GLI3: variants seen among roughly 807,000 people sequenced by gnomAD.
The protein encoded by GLI3 is transcription activator GLI3.
In GLI3, 20 loss-of-function variants were observed where a neutral mutation model predicts 100.8. The ratio of observed to expected loss-of-function variants is 0.20; its 90% CI spans 0.14 to 0.29. The LOEUF (loss-of-function observed/expected upper bound fraction) is 0.29, where lower values mean the gene tolerates loss of function less well. Ranked by LOEUF, GLI3 falls within the 10% of genes least tolerant of loss-of-function variation. The probability of loss-of-function intolerance (pLI) is 1.00; values close to 1 mark genes in which losing one functional copy is unlikely to be tolerated. For missense variants in GLI3, 2,040 were observed against 2,128.5 expected (o/e 0.96, Z 0.82); for synonymous variants, 938 against 860.5 (o/e 1.09, Z -1.58).
intron 2 of GLI3, among the ~76,000 whole-genome samples, chr7:42,199,815 C>G (rs958560190): frequency 2.0e-5 from 3 of 152,020 alleles, no homozygotes; most frequent in South Asian, 4.2e-4. Context: ...CAGCACTTTG[C>G]GAGGTCGAGG....
intron 4 of GLI3, among the ~76,000 whole-genome samples, chr7:42,061,247 A>G (rs1461857775): frequency 6.6e-6 from 1 of 152,214 alleles, no homozygotes; most frequent in African/African-American, 2.4e-5. Context: ...TTCTGAGCCA[A>G]GAAGACAGTA....
chr7:42,172,546 A>G lies in GLI3; in HGVS notation c.125-24078T>C, dbSNP rs1419398682. The G allele has an allele frequency of 5.7e-6, 4 of 703,044 alleles. No individual in the cohort carries two copies. In the South Asian group the frequency reaches 5.9e-5, roughly 10 times the overall value. 43.6% of individuals were successfully genotyped at this position (703,044 alleles called of 1,614,324 possible). A position where few individuals can be genotyped will look rare whatever the true frequency, so the allele number is the denominator to read the frequency against. On this transcript the variant is annotated intron_variant, in intron 2 of 14. Transcript: ENST00000395925. ...TAGGTAAATGTATGGGTTTGTACGC[A>G]TTCTTTGGAGCTTCCCCCTTTCAAG...
chr7:42,154,723 G>A (rs1786959477), intron 2 of GLI3, among the ~76,000 whole-genome samples: 1 of 152,206 alleles, frequency 6.6e-6, no homozygotes, highest in East Asian at 1.9e-4. Flanking sequence ...TAAAGTTCCT[G>A]TAGTTTTAAA....
At chr7:42,115,631 T>C (rs73092589) in intron 3 of GLI3, among the ~76,000 whole-genome samples, 9,993 of 152,238 alleles carry the variant, frequency 0.066, 395 homozygotes, top group Non-Finnish European at 0.092. Flanking sequence ...CCTATTTCCC[T>C]ACAACTAAGA....
At chr7:42,080,119 G>C (rs1420011140) in intron 3 of GLI3, among the ~76,000 whole-genome samples, 1 of 152,088 alleles carries the variant, frequency 6.6e-6, no homozygotes, top group Non-Finnish European at 1.5e-5. Flanking sequence ...TTCTTTCAGG[G>C]TTTAAATTTT....
At chr7:42,116,855 A>T (rs944373050) in intron 3 of GLI3, among the ~76,000 whole-genome samples, 1 of 148,364 alleles carries the variant, frequency 6.7e-6, no homozygotes, top group Non-Finnish European at 1.5e-5. Flanking sequence ...TTATGGTCTC[A>T]TAAGACCGAG....
intron 11 of GLI3, among the ~76,000 whole-genome samples, chr7:41,978,343 G>A (rs1191630315): frequency 2.0e-5 from 3 of 152,208 alleles, no homozygotes; most frequent in African/African-American, 7.2e-5. Context: ...GGTACCATAA[G>A]CTGTTGGGCT....
intron 6 of GLI3, among the ~76,000 whole-genome samples, chr7:42,040,878 G>C (rs780300459): frequency 9.2e-5 from 14 of 152,090 alleles, no homozygotes; most frequent in Admixed American, 2.0e-4. Context: ...TGGTTTTCGG[G>C]ACTCAGCAGA....
chr7:42,083,738 T>C (rs1583541975), intron 3 of GLI3, among the ~76,000 whole-genome samples: 1 of 152,258 alleles, frequency 6.6e-6, no homozygotes, highest in Admixed American at 6.5e-5. Context: ...TCAAGTATTT[T>C]CAATGCACTT....
intron 6 of GLI3, among the ~76,000 whole-genome samples, chr7:42,040,745 C>T (rs1265107196): frequency 2.0e-5 from 3 of 152,166 alleles, no homozygotes; most frequent in Non-Finnish European, 4.4e-5. Flanking sequence ...CTAGAGTTAC[C>T]TGCTCTATGG....
At chr7:42,099,203 A>C (rs1785405749) in intron 3 of GLI3, among the ~76,000 whole-genome samples, 1 of 152,214 alleles carries the variant, frequency 6.6e-6, no homozygotes, top group Non-Finnish European at 1.5e-5. Context: ...TAGTAACTTG[A>C]CATGTTTGAT....
At chr7:42,230,853 C>T (rs1413850366) in intron 1 of GLI3, among the ~76,000 whole-genome samples, 4 of 152,178 alleles carry the variant, frequency 2.6e-5, no homozygotes, top group Non-Finnish European at 4.4e-5. Flanking sequence ...ACGGGGTTAG[C>T]TGGATACAGG....
chr7:42,063,002 A>G (rs1476803148), intron 4 of GLI3, among the ~76,000 whole-genome samples: 1 of 152,178 alleles, frequency 6.6e-6, no homozygotes, highest in African/African-American at 2.4e-5. Flanking sequence ...ACCATTAATC[A>G]TGAAGTCTTA....
rs755885558 is a variant in GLI3 at position 41,964,615 on chromosome 7, C to T, written c.4458G>A (p.Gln1486=). 14 of 1,613,638 alleles carry T rather than the reference C, an allele frequency of 8.7e-6. No individual in the cohort carries two copies. In the African/African-American group the frequency reaches 1.7e-4, roughly 20 times the overall value. The part of the protein sequence containing the change: ...NSELLSPGAN[Q]VTSTVDSLDS... ...CGAGGCTGTCCACTGTGCTTGTCAC[C>T]TGATTAGCACCTGGGGAAAGTAACT... Residue 1486 remains glutamine (Q), a synonymous_variant, in exon 15 of 15, where the codon CAG becomes CAA. Transcript: ENST00000395925.
chr7:42,100,726 A>G (rs1785443305), intron 3 of GLI3, among the ~76,000 whole-genome samples: 1 of 152,104 alleles, frequency 6.6e-6, no homozygotes, highest in Non-Finnish European at 1.5e-5. Context: ...TGGGTGACAG[A>G]GCAAGACTCT....
At chr7:42,202,080 CAAAA>C (rs35682171) in intron 2 of GLI3, among the ~76,000 whole-genome samples, 45 of 92,192 alleles carry the variant, frequency 4.9e-4, no homozygotes, top group African/African-American at 1.7e-3. Context: ...GACTCCGTCT[CAAAA>C]AAAAAAAAAA....
chr7:42,255,327 A>C (rs1047553628), intron 1 of GLI3, among the ~76,000 whole-genome samples: 2 of 152,176 alleles, frequency 1.3e-5, no homozygotes, highest in African/African-American at 4.8e-5. Context: ...AGCTTTATTA[A>C]AGTATAATTT....
chr7:42,221,560 C>T (rs1232860200), intron 2 of GLI3, among the ~76,000 whole-genome samples: 1 of 151,850 alleles, frequency 6.6e-6, no homozygotes, highest in Non-Finnish European at 1.5e-5. Context: ...TCACTCACAC[C>T]CTCACACACA....
chr7:42,040,305 A>G, intron 6 of GLI3, 66 bp from the exon 7 acceptor site: 1 of 1,189,078 alleles, frequency 8.4e-7, no homozygotes, highest in Non-Finnish European at 1.3e-6. Context: ...ATTTATTGCT[A>G]CTTGCCTACG....
Sources: gnomAD v4.1 joint callset for allele counts (sites outside exome capture counted in the v4.1 genomes callset) on GRCh38, gnomAD v4.1.1 for gene constraint, MANE v1.5 for transcripts, NCBI Gene and HGNC (gene_info 2026-07-23, HGNC 2026-07-21) for gene names.